The following MCPH1 variants were observed in gnomAD, a reference collection of about 807,000 sequenced individuals.
The protein encoded by MCPH1 is microcephalin 1.
MCPH1 carries 104 observed loss-of-function variants against 84.5 expected under a neutral mutation model. That is an observed-to-expected ratio of 1.23 (90% CI 1.05 to 1.45). MCPH1 has a LOEUF of 1.45. Ranked by LOEUF, MCPH1 falls within the 40% of genes most tolerant of loss-of-function variation. The pLI, the probability that MCPH1 is intolerant of heterozygous loss-of-function variation, is 0.00. For missense variants in MCPH1, 1,498 were observed against 1,005.7 expected, an observed-to-expected ratio of 1.49 and a Z score of -6.62; for synonymous variants, 514 against 366.8, an observed-to-expected ratio of 1.40 and a Z score of -4.58.
chr8:6,459,465 A>G (rs1806041399), intron 9 of MCPH1, among the ~76,000 whole-genome samples: 1 of 152,198 alleles, frequency 6.6e-6, no homozygotes. Flanking sequence ...AAGGTATTAG[A>G]TTCTATTAAG....
In MCPH1 at chr8:6,601,169, C is replaced by T. The variant is rs1269431330; in HGVS notation, c.2215-20285C>T. 2.0e-5 allele frequency among the ~76,000 whole-genome samples: 3 copies of T among 152,198 alleles called. No individual in the cohort carries two copies. The East Asian group carries it at 5.8e-4, about 29-fold the overall frequency. On this transcript the variant is annotated intron_variant, in intron 12 of 13. Transcript: ENST00000344683. ...CCATAGACCTCCCAGCTGTGCCCAC[C>T]TGGGCAGCTGCACTTTCCAGAGGAT...
intron 12 of MCPH1, among the ~76,000 whole-genome samples, chr8:6,533,280 C>T (rs1819876385): frequency 6.6e-6 from 1 of 152,232 alleles, no homozygotes; most frequent in Non-Finnish European, 1.5e-5. Context: ...AAGCTCATTT[C>T]ACTGCCATTG....
intron 3 of MCPH1, among the ~76,000 whole-genome samples, chr8:6,415,299 T>TTTTTTTTC (rs1799110091): frequency 6.6e-6 from 1 of 151,076 alleles, no homozygotes; most frequent in East Asian, 1.9e-4. Context: ...TATCTTCTTT[T>TTTTTTTTC]TTTTTTGAGA....
intron 13 of MCPH1, among the ~76,000 whole-genome samples, chr8:6,639,200 C>CATGGGTAG (rs1380128443): frequency 2.0e-5 from 3 of 152,026 alleles, no homozygotes; most frequent in Non-Finnish European, 2.9e-5. Flanking sequence ...TAGACGGGTG[C>CATGGGTAG]ATGGGTAGAT....
intron 12 of MCPH1, among the ~76,000 whole-genome samples, chr8:6,572,279 C>G (rs1045010393): frequency 6.6e-6 from 1 of 152,094 alleles, no homozygotes; most frequent in Admixed American, 6.5e-5. Flanking sequence ...CTCCCAAATC[C>G]TGATGCGCAT....
intron 12 of MCPH1, among the ~76,000 whole-genome samples, chr8:6,503,624 A>G (rs1812642488): frequency 6.6e-6 from 1 of 152,208 alleles, no homozygotes; most frequent in Non-Finnish European, 1.5e-5. Flanking sequence ...AACCAGGATT[A>G]CTTTGCAGTC....
chr8:6,606,436 C>G (rs977832140), intron 12 of MCPH1, among the ~76,000 whole-genome samples: 5 of 152,138 alleles, frequency 3.3e-5, no homozygotes, highest in African/African-American at 1.2e-4. Flanking sequence ...CATTTAAAAA[C>G]CTAACCTATA....
chr8:6,624,565 C>A (rs1192719170), intron 13 of MCPH1, among the ~76,000 whole-genome samples: 1 of 152,196 alleles, frequency 6.6e-6, no homozygotes, highest in African/African-American at 2.4e-5. Flanking sequence ...GAAGTGAATT[C>A]CAATCTAGTA....
intron 9 of MCPH1, among the ~76,000 whole-genome samples, chr8:6,457,655 G>A (rs1431279883): frequency 6.6e-6 from 1 of 152,108 alleles, no homozygotes; most frequent in African/African-American, 2.4e-5. Flanking sequence ...AGACCCTCCT[G>A]GCCAGCAGCT....
chr8:6,539,349 G>A (rs1375668), intron 12 of MCPH1, among the ~76,000 whole-genome samples: 86,978 of 152,004 alleles, frequency 0.57, 27,323 homozygotes, highest in East Asian at 0.92. Flanking sequence ...TTATAGTCTT[G>A]GCCTTTTCTT....
intron 13 of MCPH1, among the ~76,000 whole-genome samples, chr8:6,642,087 A>T (rs1009156204): frequency 6.6e-6 from 1 of 152,012 alleles, no homozygotes; most frequent in Non-Finnish European, 1.5e-5. Flanking sequence ...TCTTTTTTGT[A>T]CCATACCACC....
intron 2 of MCPH1, among the ~76,000 whole-genome samples, chr8:6,412,205 G>GC (rs1209347074): frequency 1.3e-5 from 2 of 152,272 alleles, no homozygotes; most frequent in Non-Finnish European, 2.9e-5. Flanking sequence ...GGGGAGACAT[G>GC]CCCACTGTAA....
intron 12 of MCPH1, among the ~76,000 whole-genome samples, chr8:6,614,837 T>C (rs1042918301): frequency 6.6e-6 from 1 of 152,144 alleles, no homozygotes; most frequent in African/African-American, 2.4e-5. Flanking sequence ...CCTGGTGAGT[T>C]TGACTTTTCA....
chr8:6,465,924 G>GATCCATCCATCC (rs202202756), intron 9 of MCPH1, among the ~76,000 whole-genome samples: 2,913 of 148,326 alleles, frequency 0.02, 54 homozygotes, highest in African/African-American at 0.026. Context: ...TTTATCTATC[G>GATCCATCCATCC]ATCCATCCAT....
intron 12 of MCPH1, among the ~76,000 whole-genome samples, chr8:6,524,854 T>A (rs1421123592): frequency 1.3e-5 from 2 of 152,192 alleles, no homozygotes; most frequent in East Asian, 3.9e-4. Context: ...CCCTGAGAAG[T>A]CACCTTTGGT....
At chr8:6,514,606 G>A in intron 12 of MCPH1, 1 of 1,360,338 alleles carries the variant, frequency 7.4e-7, no homozygotes, top group Non-Finnish European at 1.0e-6. Context: ...TGGTGGTTAA[G>A]GTTCCGCAGA....
chr8:6,513,335 C>CTTT (rs1189719867), intron 12 of MCPH1, among the ~76,000 whole-genome samples: 2 of 143,228 alleles, frequency 1.4e-5, no homozygotes, highest in Non-Finnish European at 3.1e-5. Flanking sequence ...TTTTCTTTTT[C>CTTT]TTTTTTTTTT....
intron 5 of MCPH1, among the ~76,000 whole-genome samples, chr8:6,437,267 C>T (rs1802790899): frequency 1.3e-5 from 2 of 151,956 alleles, no homozygotes. Context: ...AGTCTTTCTC[C>T]ATCACCAGGC....
In MCPH1 at chr8:6,621,631, G is replaced by A. The variant is rs1040738213; in HGVS notation, c.2392G>A (p.Gly798Arg). The A allele has an allele frequency of 5.0e-6, 8 of 1,614,072 alleles. No homozygotes were observed. Among genetic ancestry groups the A allele is most frequent in the African/African-American group, 2.7e-5 (2 of 74,928 alleles). The change falls in exon 13 of 14, where the codon GGG becomes AGG. Residue 798 changes from glycine (G) to arginine (R), a missense_variant. Transcript: ENST00000344683. ...QVPRQASIVI[G>R]PYSGKKKATV... is the part of the protein sequence containing the mutation. Reference sequence around the variant, plus strand: ...CCCCCGCCAGGCCAGCATCGTCATCGGGCCCTACAGCGGAAAGAAGAAAGC... The same window carrying A: ...CCCCCGCCAGGCCAGCATCGTCATCAGGCCCTACAGCGGAAAGAAGAAAGC...
Sources: allele counts gnomAD v4.1 joint callset (sites outside exome capture counted in the v4.1 genomes callset), GRCh38; gene constraint gnomAD v4.1.1; transcripts MANE v1.5; gene names NCBI Gene and HGNC (gene_info 2026-07-23, HGNC 2026-07-21).